Variants in NCAM2 observed in about 807,000 individuals in gnomAD.
The protein encoded by NCAM2 is N-CAM-2.
A neutral mutation model predicts 98.1 loss-of-function variants in NCAM2; 30 were observed. That is an observed-to-expected ratio of 0.31 (90% confidence interval 0.23 to 0.41). The LOEUF (loss-of-function observed/expected upper bound fraction) is 0.41, where lower values mean the gene tolerates loss of function less well. NCAM2 is among the 10% of genes least tolerant of loss of function. The pLI is 1.00. For missense variants in NCAM2, 867 were observed against 1,005.8 expected, an observed-to-expected ratio of 0.86 and a Z score of 1.87; for synonymous variants, 368 against 342.4, an observed-to-expected ratio of 1.07 and a Z score of -0.83.
intron 9 of NCAM2, among the ~76,000 whole-genome samples, chr21:21,392,093 C>A (rs1232102888): frequency 6.6e-6 from 1 of 152,106 alleles, no homozygotes; most frequent in Non-Finnish European, 1.5e-5. Context: ...CTGATCCTCT[C>A]CACCTCCCAC....
chr21:21,035,082 G>A (rs2064770456), intron 1 of NCAM2, among the ~76,000 whole-genome samples: 1 of 152,104 alleles, frequency 6.6e-6, no homozygotes, highest in African/African-American at 2.4e-5. Flanking sequence ...CTGTCAAAAA[G>A]TAGCATTTTT....
rs1416381043 is a variant in NCAM2 at position 21,125,676 on chromosome 21, A to G, written c.55+127058A>G. On this transcript the variant is annotated intron_variant, in intron 1 of 17. Coordinates refer to ENST00000400546, the MANE Select transcript of NCAM2 (RefSeq NM_004540.5). Reference sequence around the variant, plus strand: ...TGTAGAGATATATATATCTATATATAGAGATATATATGTAATAATATTTTA... The same window carrying G: ...TGTAGAGATATATATATCTATATATGGAGATATATATGTAATAATATTTTA... Among the ~76,000 whole-genome samples, 3 of 127,726 alleles carry G rather than the reference A, an allele frequency of 2.3e-5. No individual in the cohort carries two copies. The East Asian group carries it at 6.7e-4, about 29-fold the overall frequency. 83.8% of individuals were successfully genotyped at this position (127,726 alleles called of 152,430 possible).
At chr21:21,118,593 TAAAC>T in intron 1 of NCAM2, among the ~76,000 whole-genome samples, 1 of 152,320 alleles carries the variant, frequency 6.6e-6, no homozygotes, top group Non-Finnish European at 1.5e-5. Flanking sequence ...CCGTAACTCT[TAAAC>T]AAAGGGTATT....
At chr21:21,398,850 A>G (rs2145862652) in intron 9 of NCAM2, among the ~76,000 whole-genome samples, 1 of 152,330 alleles carries the variant, frequency 6.6e-6, no homozygotes, top group South Asian at 2.1e-4. Context: ...ATTATAACCA[A>G]ATCTAAGTTC....
intron 1 of NCAM2, among the ~76,000 whole-genome samples, chr21:21,274,967 A>C (rs2072668056): frequency 6.6e-6 from 1 of 152,110 alleles, no homozygotes; most frequent in Non-Finnish European, 1.5e-5. Context: ...CCCTGATGGA[A>C]CTTAGAAATG....
At chr21:21,054,099 G>A (rs915489331) in intron 1 of NCAM2, among the ~76,000 whole-genome samples, 1 of 151,794 alleles carries the variant, frequency 6.6e-6, no homozygotes, top group African/African-American at 2.4e-5. Context: ...TTCAGAATTA[G>A]AAACTCTACT....
chr21:21,436,278 A>G (rs1265094990), intron 12 of NCAM2, among the ~76,000 whole-genome samples: 5 of 152,208 alleles, frequency 3.3e-5, no homozygotes, highest in Non-Finnish European at 7.3e-5. Flanking sequence ...TGTCCTTTAA[A>G]GTAGCATTTC....
At chr21:21,395,071 C>G (rs1298747700) in intron 9 of NCAM2, among the ~76,000 whole-genome samples, 2 of 152,120 alleles carry the variant, frequency 1.3e-5, no homozygotes, top group South Asian at 2.1e-4. Context: ...GTGGCTCACA[C>G]CTGTAATCCC....
chr21:21,372,505 G>A (rs1292608544), intron 8 of NCAM2, among the ~76,000 whole-genome samples: 1 of 151,608 alleles, frequency 6.6e-6, no homozygotes, highest in Non-Finnish European at 1.5e-5. Flanking sequence ...TGTCTTAAAT[G>A]AATCTTTAGT....
At chr21:21,509,341 G>A (rs539147631) in intron 16 of NCAM2, among the ~76,000 whole-genome samples, 3 of 152,208 alleles carry the variant, frequency 2.0e-5, no homozygotes, top group African/African-American at 4.8e-5. Context: ...ATAGATGGAT[G>A]GATAGTTGTG....
intron 1 of NCAM2, among the ~76,000 whole-genome samples, chr21:21,128,397 G>T (rs1406379723): frequency 6.6e-6 from 1 of 152,160 alleles, no homozygotes; most frequent in Non-Finnish European, 1.5e-5. Context: ...TCTGATAGGA[G>T]AACTTTATTG....
chr21:21,385,651 G>A (rs780082351), intron 9 of NCAM2: 39 of 1,286,856 alleles, frequency 3.0e-5, no homozygotes, highest in South Asian at 2.5e-4. Context: ...CAACATTTCC[G>A]AGGCGTTACT....
intron 8 of NCAM2, among the ~76,000 whole-genome samples, chr21:21,360,878 C>T (rs567433471): frequency 6.1e-4 from 93 of 152,114 alleles, no homozygotes; most frequent in Non-Finnish European, 1.3e-3. Flanking sequence ...ACTCATCCTA[C>T]CTTTTCTTGG....
intron 1 of NCAM2, among the ~76,000 whole-genome samples, chr21:21,061,903 A>G (rs922201814): frequency 3.9e-5 from 6 of 152,134 alleles, no homozygotes; most frequent in Non-Finnish European, 5.9e-5. Flanking sequence ...CAGTATTTCA[A>G]TGCAATAATT....
chr21:21,195,272 C>G (rs1216572974), intron 1 of NCAM2, among the ~76,000 whole-genome samples: 1 of 152,064 alleles, frequency 6.6e-6, no homozygotes, highest in African/African-American at 2.4e-5. Flanking sequence ...GTAACGTAAA[C>G]TATGGAATAA....
intron 11 of NCAM2, among the ~76,000 whole-genome samples, chr21:21,428,725 G>A (rs2077266887): frequency 6.6e-6 from 1 of 152,110 alleles, no homozygotes; most frequent in African/African-American, 2.4e-5. Context: ...AGGAATCAAG[G>A]GTGAAGACAA....
intron 1 of NCAM2, among the ~76,000 whole-genome samples, chr21:21,216,148 G>C (rs1451307131): frequency 6.6e-6 from 1 of 152,078 alleles, no homozygotes; most frequent in East Asian, 1.9e-4. Context: ...AGTGGCTTTT[G>C]ACTATGTGCC....
intron 1 of NCAM2, among the ~76,000 whole-genome samples, chr21:21,251,562 G>T (rs1411670491): frequency 1.3e-5 from 2 of 151,988 alleles, no homozygotes; most frequent in Admixed American, 1.3e-4. Context: ...TCATTGATGC[G>T]CATTTGAGTT....
chr21:21,381,406 T>C (rs1052005488), intron 9 of NCAM2, among the ~76,000 whole-genome samples: 1 of 152,230 alleles, frequency 6.6e-6, no homozygotes, highest in African/African-American at 2.4e-5. Context: ...CTATGTTTTT[T>C]TCACATTCTA....
Sources: gnomAD v4.1 joint callset for allele counts (sites outside exome capture counted in the v4.1 genomes callset) on GRCh38, gnomAD v4.1.1 for gene constraint, MANE v1.5 for transcripts, NCBI Gene and HGNC (gene_info 2026-07-23, HGNC 2026-07-21) for gene names.